The following PDK1 variants were observed in gnomAD, a reference collection of about 807,000 sequenced individuals.
The protein encoded by PDK1 is pyruvate dehydrogenase kinase 1.
A neutral mutation model predicts 54.2 loss-of-function variants in PDK1; 39 were observed. The observed-to-expected ratio is 0.72, with a 90% CI of 0.56 to 0.94. PDK1 has a LOEUF of 0.94. Among genes scored for constraint, PDK1 ranks in the 40% least tolerant of loss-of-function variants. The pLI, the probability that PDK1 is intolerant of heterozygous loss-of-function variation, is 0.00. For synonymous variants in PDK1, 221 were observed against 207.1 expected, an observed-to-expected ratio of 1.07 and a Z score of -0.58; for missense variants, 552 against 566.0, an observed-to-expected ratio of 0.98 and a Z score of 0.25.
Position 172,601,576 on chromosome 2 carries a change from A to C in PDK1, c.*5607A>C, listed in dbSNP as rs541475810. On this transcript the variant is annotated 3_prime_UTR_variant, in exon 11 of 11. Transcript: ENST00000282077. ...CTGTGAAGAGGTGCCTTCCACCATG[A>C]TTGTGAGTTTCTGGAGGCTTCTGCA... 1 of 152,308 alleles carries C rather than the reference A, an allele frequency of 6.6e-6. No homozygotes were observed. The highest frequency in any genetic ancestry group is 2.4e-5 in the African/African-American group (1 of 41,556). 9.4% of individuals were successfully genotyped at this position (152,308 alleles called of 1,614,324 possible).
chr2:172,605,248 C>T lies in PDK1; in HGVS notation c.*9279C>T, dbSNP rs1313877549. 2 of 152,118 alleles carry T rather than the reference C, an allele frequency of 1.3e-5. No homozygotes were observed. Among genetic ancestry groups the T allele is most frequent in the Admixed American group, 1.3e-4 (2 of 15,268 alleles). 9.4% of individuals were successfully genotyped at this position (152,118 alleles called of 1,614,324 possible). ...TACCATAATGCCTCCTTCTATTCCA[C>T]TATGAACAGTCAAGGACACTGGAGG... On this transcript the variant is annotated 3_prime_UTR_variant, in exon 11 of 11. Transcript: ENST00000282077.
the PDK1 span, among the ~76,000 whole-genome samples, chr2:172,653,095 A>T: frequency 0.052 from 7,887 of 152,250 alleles, 449 homozygotes; most frequent in African/African-American, 0.14. Context: ...GGTAACCAAA[A>T]CAGCATGGTA....
the PDK1 span, among the ~76,000 whole-genome samples, chr2:172,668,894 C>CATATAT: frequency 1.8e-5 from 2 of 113,192 alleles, no homozygotes; most frequent in Admixed American, 2.0e-4. Flanking sequence ...CACACACACA[C>CATATAT]ATATATATAT....
chr2:172,579,629 A>G (rs2149258028), intron 8 of PDK1, among the ~76,000 whole-genome samples: 1 of 151,124 alleles, frequency 6.6e-6, no homozygotes, highest in Non-Finnish European at 1.5e-5. Context: ...TGAGAAGACA[A>G]CGTTTATTAC....
rs139384576 is a variant in PDK1 at position 172,588,299 on chromosome 2, G to A, written c.1056+1911G>A. 1.9e-3 allele frequency among the ~76,000 whole-genome samples: 284 copies of A among 152,284 alleles called. 11 individuals are homozygous for A. The East Asian group carries it at 0.038, about 21-fold the overall frequency. On this transcript the variant is annotated intron_variant, in intron 9 of 10. Transcript: ENST00000282077. The stretch of plus-strand genomic sequence containing the variant: ...ATATTGTAGAATTTTTATGGAGAGC[G>A]GCATAGTGAGCTAGTCCAGACTCTG...
the PDK1 span, among the ~76,000 whole-genome samples, chr2:172,661,599 A>G: frequency 1.3e-5 from 2 of 152,078 alleles, no homozygotes; most frequent in Non-Finnish European, 2.9e-5. Context: ...GATTTAAGAA[A>G]TGGTTGAACC....
chr2:172,702,414 T>A, the PDK1 span, among the ~76,000 whole-genome samples: 6 of 150,586 alleles, frequency 4.0e-5, no homozygotes, highest in African/African-American at 1.5e-4. Context: ...GAGGTGGAGG[T>A]TGTAGTGAGC....
chr2:172,564,959 T>G lies in PDK1; in HGVS notation c.596-19T>G. ...AGGTGGTTTAGCTTATTTTGTTGGTTTTTTTCCTTTTTGGATAGCTTTATT... is the reference window on the plus strand; with the variant it reads ...AGGTGGTTTAGCTTATTTTGTTGGTGTTTTTCCTTTTTGGATAGCTTTATT... On this transcript the variant is annotated intron_variant, in intron 4 of 10. Transcript: ENST00000282077. 5 of 1,574,318 alleles carry G rather than the reference T, an allele frequency of 3.2e-6. No individual in the cohort carries two copies. The highest frequency in any genetic ancestry group is 4.4e-6 in the Non-Finnish European group (5 of 1,144,720).
intron 9 of PDK1, among the ~76,000 whole-genome samples, chr2:172,586,797 G>GA (rs961951749): frequency 2.0e-5 from 3 of 152,120 alleles, no homozygotes; most frequent in Non-Finnish European, 4.4e-5. Context: ...ATCCTAGACT[G>GA]AAAAATAAGA....
the PDK1 span, among the ~76,000 whole-genome samples, chr2:172,637,735 G>A: frequency 9.9e-5 from 15 of 151,972 alleles, no homozygotes; most frequent in East Asian, 7.8e-4. Flanking sequence ...TCGCTCTGTC[G>A]TCCAGGCTAG....
At chr2:172,662,209 G>A in the PDK1 span, among the ~76,000 whole-genome samples, 2 of 152,006 alleles carry the variant, frequency 1.3e-5, no homozygotes, top group Admixed American at 6.6e-5. Context: ...AAAACTCATG[G>A]TGGAACTACA....
intron 8 of PDK1, among the ~76,000 whole-genome samples, chr2:172,581,860 T>G (rs1246856546): frequency 1.3e-5 from 2 of 152,242 alleles, no homozygotes; most frequent in Admixed American, 1.3e-4. Context: ...ATTCTGTGTT[T>G]AGTATATAAT....
At chr2:172,657,202 G>A in the PDK1 span, among the ~76,000 whole-genome samples, 1 of 151,552 alleles carries the variant, frequency 6.6e-6, no homozygotes, top group Non-Finnish European at 1.5e-5. Context: ...TATTATTATT[G>A]TTAAATGGAG....
the PDK1 span, among the ~76,000 whole-genome samples, chr2:172,642,914 C>G: frequency 6.6e-6 from 1 of 152,088 alleles, no homozygotes; most frequent in Non-Finnish European, 1.5e-5. Context: ...TCTCCTCTTT[C>G]TCCTACTCCT....
At chr2:172,687,218 C>T in the PDK1 span, among the ~76,000 whole-genome samples, 1 of 152,106 alleles carries the variant, frequency 6.6e-6, no homozygotes, top group African/African-American at 2.4e-5. Context: ...AGGCCAATTA[C>T]TAATGAGGTT....
the PDK1 span, among the ~76,000 whole-genome samples, chr2:172,702,451 T>G: frequency 6.7e-6 from 1 of 149,840 alleles, no homozygotes; most frequent in South Asian, 2.1e-4. Context: ...CACTCCAGCC[T>G]GGGCAACAGA....
At chr2:172,669,323 A>G in the PDK1 span, among the ~76,000 whole-genome samples, 10 of 152,360 alleles carry the variant, frequency 6.6e-5, no homozygotes, top group East Asian at 5.8e-4. Context: ...CTGGGATTAC[A>G]GGCGTGAGCC....
chr2:172,704,814 A>G, the PDK1 span, among the ~76,000 whole-genome samples: 3 of 152,362 alleles, frequency 2.0e-5, no homozygotes, highest in East Asian at 3.9e-4. Flanking sequence ...ATGGTCACAT[A>G]GAACTGTAGC....
the PDK1 span, among the ~76,000 whole-genome samples, chr2:172,658,438 T>C: frequency 0.018 from 2,779 of 152,272 alleles, 90 homozygotes; most frequent in African/African-American, 0.063. Flanking sequence ...CTGTACAAAT[T>C]GATTGTAAAA....
Sources: allele counts gnomAD v4.1 joint callset (sites outside exome capture counted in the v4.1 genomes callset), GRCh38; gene constraint gnomAD v4.1.1; transcripts MANE v1.5; gene names NCBI Gene and HGNC (gene_info 2026-07-23, HGNC 2026-07-21).